Variants in ITSN1 observed in about 807,000 individuals in gnomAD.
The protein encoded by ITSN1 is intersectin 1.
In ITSN1, 58 loss-of-function variants were observed where a neutral mutation model predicts 239.8. That is an observed-to-expected ratio of 0.24 (90% CI 0.20 to 0.30). ITSN1 has a LOEUF of 0.30. Among genes scored for constraint, ITSN1 ranks in the 10% least tolerant of loss-of-function variants. The probability of loss-of-function intolerance (pLI) is 1.00; values close to 1 mark genes in which losing one functional copy is unlikely to be tolerated. For synonymous variants in ITSN1, 780 were observed against 770.8 expected, an observed-to-expected ratio of 1.01 and a Z score of -0.20; for missense variants, 1,558 against 2,103.3, an observed-to-expected ratio of 0.74 and a Z score of 5.07.
chr21:33,826,636 T>G, intron 25 of ITSN1, among the ~76,000 whole-genome samples, 182 bp from the exon 26 acceptor site: 1 of 152,212 alleles, frequency 6.6e-6, no homozygotes, highest in East Asian at 1.9e-4. Flanking sequence ...CCACATGTTT[T>G]AATTATTTTT....
chr21:33,706,535 A>G (rs537273577), intron 1 of ITSN1, among the ~76,000 whole-genome samples: 10 of 151,676 alleles, frequency 6.6e-5, no homozygotes, highest in African/African-American at 2.4e-4. Context: ...AGTATTTTCC[A>G]GTAAAGCATT....
intron 29 of ITSN1, among the ~76,000 whole-genome samples, chr21:33,844,906 C>T (rs1412945579): frequency 6.6e-6 from 1 of 152,022 alleles, no homozygotes; most frequent in Admixed American, 6.6e-5. Context: ...CACATCTGCC[C>T]GTCCTGTCCG....
chr21:33,740,395 C>T (rs1240380903), intron 5 of ITSN1, among the ~76,000 whole-genome samples: 1 of 152,170 alleles, frequency 6.6e-6, no homozygotes, highest in South Asian at 2.1e-4. Flanking sequence ...AAGCCAGAAA[C>T]TGAGGCTGAC....
intron 20 of ITSN1, among the ~76,000 whole-genome samples, chr21:33,809,805 T>C (rs1602370234): frequency 4.6e-5 from 7 of 152,204 alleles, no homozygotes; most frequent in Admixed American, 4.6e-4. Flanking sequence ...ATAAAATTTT[T>C]TTTTTGAGAC....
rs1259072432 is a variant in ITSN1 at position 33,716,418 on chromosome 21, ACTC to A, written c.-32-2372_-32-2370del. The A allele has an allele frequency of 2.6e-5, 4 of 151,338 alleles. No individual in the cohort carries two copies. In the East Asian group the frequency reaches 7.8e-4, roughly 30 times the overall value. 9.4% of individuals were successfully genotyped at this position (151,338 alleles called of 1,614,324 possible). On this transcript the variant is annotated intron_variant, in intron 1 of 39. Coordinates refer to ENST00000381318, the MANE Select transcript of ITSN1 (RefSeq NM_003024.3). ...TAGGGCCCTACCTCCTTCCTTCTTC[ACTC>A]CTCCTCAAGGCAGCACTTAGATGAG...
At chr21:33,796,071 CT>C (rs1264290014) in intron 17 of ITSN1, among the ~76,000 whole-genome samples, 12 of 151,896 alleles carry the variant, frequency 7.9e-5, no homozygotes, top group African/African-American at 2.7e-4. Context: ...TCAACCGACT[CT>C]CCTGCCTCAG....
At chr21:33,766,094 C>T (rs1313879722) in intron 10 of ITSN1, 82 bp downstream of exon 10, 5 of 1,432,684 alleles carry the variant, frequency 3.5e-6, no homozygotes, top group Admixed American at 3.5e-5. Flanking sequence ...TGTGTCTTAC[C>T]TGATTTTCAT....
chr21:33,775,971 G>T (rs1031688123), intron 14 of ITSN1, among the ~76,000 whole-genome samples: 1 of 152,102 alleles, frequency 6.6e-6, no homozygotes, highest in Admixed American at 6.5e-5. Context: ...GATCATATTT[G>T]CCTGTGATTC....
intron 30 of ITSN1, among the ~76,000 whole-genome samples, chr21:33,858,084 G>A (rs1248861674): frequency 3.3e-5 from 5 of 152,136 alleles, no homozygotes; most frequent in Non-Finnish European, 2.9e-5. Context: ...AGAGCTTGGA[G>A]GGGCTCATTC....
chr21:33,883,481 A>T lies in ITSN1; in HGVS notation c.4555-69A>T, dbSNP rs1250796053. 1.9e-6 allele frequency: 3 copies of T among 1,589,220 alleles called. No individual in the cohort carries two copies. In the African/African-American group the frequency reaches 4.0e-5, roughly 21 times the overall value. ...AACACATTGGCATAAGTGTGCTCAC[A>T]CACTCACGGTTTACCGGAGCACACA... is the stretch of plus-strand genomic sequence containing the variant. On this transcript the variant is annotated intron_variant, in intron 35 of 39. Coordinates refer to ENST00000381318, the MANE Select transcript of ITSN1 (RefSeq NM_003024.3).
chr21:33,858,478 A>C (rs946595733), intron 30 of ITSN1, among the ~76,000 whole-genome samples: 2 of 152,114 alleles, frequency 1.3e-5, no homozygotes, highest in African/African-American at 2.4e-5. Flanking sequence ...AAAACAATGC[A>C]GGCCCTGCTG....
At chr21:33,850,620 G>A (rs2075131096) in intron 29 of ITSN1, among the ~76,000 whole-genome samples, 2 of 152,322 alleles carry the variant, frequency 1.3e-5, no homozygotes, top group East Asian at 1.9e-4. Context: ...GAACCCCGGG[G>A]CCGAGCGTGG....
Position 33,834,385 on chromosome 21 carries a change from A to C in ITSN1, c.3430A>C (p.Thr1144Pro). Residue 1144 changes from threonine (T) to proline (P), a missense_variant, in exon 28 of 40, where the codon ACT becomes CCT. By Grantham distance (38) the Thr-to-Pro change is conservative. This residue lies in a region of ITSN1 where 576 missense variants were observed against 893.3 expected (regional missense o/e 0.64). Coordinates refer to ENST00000381318, the MANE Select transcript of ITSN1 (RefSeq NM_003024.3). ...KLLSPGTSKITPTEPPKSTAL... is the reference protein window; with the variant it reads ...KLLSPGTSKIPPTEPPKSTAL... ...TCTAAGCCCTGGGACGAGCAAAATCACTCCAACAGAGCCACCTAAGTCAAC... is the reference window on the plus strand; with the variant it reads ...TCTAAGCCCTGGGACGAGCAAAATCCCTCCAACAGAGCCACCTAAGTCAAC... 1 of 1,613,660 alleles carries C rather than the reference A, an allele frequency of 6.2e-7. No homozygotes were observed. Among genetic ancestry groups the C allele is most frequent in the Non-Finnish European group, 8.5e-7 (1 of 1,179,718 alleles).
At chr21:33,825,861 A>G (rs1011799556) in intron 25 of ITSN1, among the ~76,000 whole-genome samples, 6 of 152,226 alleles carry the variant, frequency 3.9e-5, no homozygotes, top group African/African-American at 7.2e-5. Context: ...TTAAATTTCA[A>G]TAAGCAAAAT....
At chr21:33,724,170 T>G (rs2065677599) in intron 4 of ITSN1, among the ~76,000 whole-genome samples, 1 of 152,176 alleles carries the variant, frequency 6.6e-6, no homozygotes, top group East Asian at 1.9e-4. Context: ...GTGCTTTTTT[T>G]GGGTATCTGC....
chr21:33,865,321 A>C lies in ITSN1; in HGVS notation c.4061A>C (p.Lys1354Thr), dbSNP rs2024913125. 6.4e-7 allele frequency: 1 copy of C among 1,567,400 alleles called. No individual in the cohort carries two copies. The highest frequency in any genetic ancestry group is 8.7e-7 in the Non-Finnish European group (1 of 1,155,734). ...AAGACGGATGAGGCCCCAGACTTCA[A>C]GGAGTTCGTCAAAGTAAGGAGCCAG... ...QQKTDEAPDF[K>T]EFVKRLAMDP... is the part of the protein sequence containing the mutation. Residue 1354 changes from lysine (K) to threonine (T), a missense_variant, in exon 32 of 40, where the codon AAG (lysine) becomes ACG (threonine). Around this residue, in one of 2 missense-constraint regions of ITSN1, gnomAD observed 576 missense variants for 893.3 expected, o/e 0.64. Transcript: ENST00000381318. The surrounding 1 kb of genome is among the most constrained non-coding windows in gnomAD (Gnocchi z 4.4).
chr21:33,689,748 A>C (rs1292257911), intron 1 of ITSN1, among the ~76,000 whole-genome samples: 1 of 152,000 alleles, frequency 6.6e-6, no homozygotes, highest in Non-Finnish European at 1.5e-5. Flanking sequence ...CCGGTGGATC[A>C]CCTGAGGTCA....
chr21:33,877,136 C>T (rs1984077997), intron 34 of ITSN1, among the ~76,000 whole-genome samples: 1 of 141,672 alleles, frequency 7.1e-6, no homozygotes, highest in Admixed American at 7.3e-5. Flanking sequence ...TCCCCGCAAC[C>T]TCTGCCTCCC....
intron 20 of ITSN1, among the ~76,000 whole-genome samples, chr21:33,804,704 A>G (rs973072194): frequency 1.3e-5 from 2 of 152,194 alleles, no homozygotes; most frequent in Non-Finnish European, 2.9e-5. Context: ...GAGAAGACCT[A>G]TGCTCACTGC....
Sources: allele counts gnomAD v4.1 joint callset (sites outside exome capture counted in the v4.1 genomes callset), GRCh38; gene constraint gnomAD v4.1.1; regional missense constraint gnomAD v4.1.1; non-coding constraint Gnocchi (gnomAD v3.1); transcripts MANE v1.5; gene names NCBI Gene and HGNC (gene_info 2026-07-23, HGNC 2026-07-21).